The following SOX6 variants were observed in gnomAD, a reference collection of about 807,000 sequenced individuals.
The protein encoded by SOX6 is SRY-box transcription factor 6, also known as transcription factor SOX-6.
SOX6 carries 11 observed loss-of-function variants against 97.8 expected under a neutral mutation model. The observed-to-expected ratio is 0.11, with a 90% CI of 0.07 to 0.19. SOX6 has a LOEUF of 0.19. Among genes scored for constraint, SOX6 ranks in the 10% least tolerant of loss-of-function variants. SOX6 has a pLI of 1.00. For missense variants in SOX6, 810 were observed against 1,039.5 expected (o/e 0.78, Z 3.04); for synonymous variants, 360 against 371.4 (o/e 0.97, Z 0.35).
rs1848385397 is a variant in SOX6, at chr11:16,610,647, T to G, written n.609+1434A>C. Among the ~76,000 whole-genome samples, 1 of 152,156 alleles carries G rather than the reference T, an allele frequency of 6.6e-6. No homozygotes were observed. Among genetic ancestry groups the G allele is most frequent in the African/African-American group, 2.4e-5 (1 of 41,444 alleles). On this transcript the variant is annotated intron_variant and non_coding_transcript_variant, in intron 4 of 5. Coordinates refer to the SOX6 transcript ENST00000524520. This position sits in a 1 kb window ranked among gnomAD's most constrained non-coding sequence, Gnocchi z 4.4. ...CGGAACCCGGAGCAAGTAACAATATTCATCCCTAAAGGAAGGAAACTAAAA... is the reference window on the plus strand; with the variant it reads ...CGGAACCCGGAGCAAGTAACAATATGCATCCCTAAAGGAAGGAAACTAAAA...
At chr11:16,585,654 A>C in intron 4 of SOX6, among the ~76,000 whole-genome samples, 1 of 147,984 alleles carries the variant, frequency 6.8e-6, no homozygotes, top group African/African-American at 2.5e-5. Flanking sequence ...GTCAACAAAG[A>C]CTCAACGGAG....
intron 3 of SOX6, among the ~76,000 whole-genome samples, chr11:16,287,968 A>G (rs1284588478): frequency 1.3e-5 from 2 of 152,140 alleles, no homozygotes; most frequent in Non-Finnish European, 2.9e-5. Flanking sequence ...TGCCTTTGAA[A>G]AAAGAGAAGG....
At chr11:16,109,293 C>CG in intron 7 of SOX6, among the ~76,000 whole-genome samples, 1 of 152,218 alleles carries the variant, frequency 6.6e-6, no homozygotes, top group East Asian at 1.9e-4. Context: ...CTCAACCTAC[C>CG]GGGCTCAAGC....
chr11:16,537,084 C>T (rs971941957), intron 4 of SOX6, among the ~76,000 whole-genome samples: 4 of 152,288 alleles, frequency 2.6e-5, no homozygotes, highest in African/African-American at 9.6e-5. Flanking sequence ...GGCAAGTGCC[C>T]CTCTGGGACA....
intron 1 of SOX6, among the ~76,000 whole-genome samples, chr11:16,412,357 A>G (rs1565136734): frequency 6.6e-6 from 1 of 152,242 alleles, no homozygotes; most frequent in African/African-American, 2.4e-5. Context: ...TCCAAATCAG[A>G]TATATCCATA....
chr11:16,525,070 A>G (rs1371986200), intron 4 of SOX6, among the ~76,000 whole-genome samples: 2 of 152,226 alleles, frequency 1.3e-5, no homozygotes, highest in African/African-American at 2.4e-5. Flanking sequence ...GGTAATTTAT[A>G]GATTCAATGC....
chr11:15,991,549 T>C (rs940949029), intron 13 of SOX6, among the ~76,000 whole-genome samples: 3 of 152,214 alleles, frequency 2.0e-5, no homozygotes, highest in African/African-American at 7.2e-5. Flanking sequence ...AGGAGACAGG[T>C]TTGTGGAGAA....
chr11:16,076,315 G>C (rs945036823), intron 9 of SOX6, among the ~76,000 whole-genome samples: 1 of 149,892 alleles, frequency 6.7e-6, no homozygotes, highest in Non-Finnish European at 1.5e-5. Context: ...AGAATAAATA[G>C]ACAACCTATA....
intron 4 of SOX6, among the ~76,000 whole-genome samples, chr11:16,506,349 C>CAA (rs1311153846): frequency 2.0e-5 from 3 of 152,120 alleles, no homozygotes; most frequent in African/African-American, 7.2e-5. Context: ...GCATGGGGCC[C>CAA]TTTGTTTTTG....
At chr11:16,528,929 G>A (rs1168579329) in intron 4 of SOX6, among the ~76,000 whole-genome samples, 1 of 151,974 alleles carries the variant, frequency 6.6e-6, no homozygotes, top group Non-Finnish European at 1.5e-5. Flanking sequence ...TCACTCTAGT[G>A]ACTGTTTTGA....
chr11:15,994,919 T>G (rs1854177681), intron 13 of SOX6, among the ~76,000 whole-genome samples: 1 of 152,168 alleles, frequency 6.6e-6, no homozygotes, highest in East Asian at 1.9e-4. Flanking sequence ...CTGGAGTGGA[T>G]TCCATCCTAG....
intron 1 of SOX6, among the ~76,000 whole-genome samples, chr11:16,462,764 GA>G (rs577553748): frequency 1.9e-4 from 29 of 152,186 alleles, no homozygotes; most frequent in Admixed American, 1.7e-3. Context: ...TCTCCTCCAG[GA>G]AAAAAACTCA....
chr11:16,252,928 C>G (rs1853559617), intron 3 of SOX6, among the ~76,000 whole-genome samples: 1 of 152,160 alleles, frequency 6.6e-6, no homozygotes, highest in Admixed American at 6.5e-5. Context: ...GAATTCTTAC[C>G]CTTCCCTCAC....
In SOX6 at chr11:16,608,639, T is replaced by C. The variant is rs531380297; in HGVS notation, n.609+3442A>G. Among the ~76,000 whole-genome samples the C allele has an allele frequency of 2.0e-5, 3 of 151,874 alleles. No individual in the cohort carries two copies. In the East Asian group the frequency reaches 5.8e-4, roughly 29 times the overall value. Reference sequence around the variant, plus strand: ...AAAAGCAATTCACACAGGAGATTCCTAACATATGTAGGTGGCAGTGTTCTG... The same window carrying C: ...AAAAGCAATTCACACAGGAGATTCCCAACATATGTAGGTGGCAGTGTTCTG... On this transcript the variant is annotated intron_variant and non_coding_transcript_variant, in intron 4 of 5. Transcript: ENST00000524520.
Position 16,364,028 on chromosome 11 carries a change from G to A in SOX6, c.-4-22776C>T, listed in dbSNP as rs576788349. ...TAGGAACTACTTGTTCAATGTTTTG[G>A]GTATTTCCACGAACATGCAGAAAGT... On this transcript the variant is annotated intron_variant, in intron 1 of 15. Coordinates refer to the SOX6 transcript ENST00000396356. Among the ~76,000 whole-genome samples, 197 of 152,074 alleles carry A rather than the reference G, an allele frequency of 1.3e-3. 2 individuals carry two copies. The highest frequency in any genetic ancestry group is 4.1e-4 in the Non-Finnish European group (28 of 67,970).
intron 4 of SOX6, among the ~76,000 whole-genome samples, chr11:16,611,769 G>A (rs1848401156): frequency 6.6e-6 from 1 of 152,186 alleles, no homozygotes; most frequent in African/African-American, 2.4e-5. Flanking sequence ...ATTGTCCCTC[G>A]ACTTTAAGTG....
chr11:16,065,157 C>T (rs796529824), intron 9 of SOX6, among the ~76,000 whole-genome samples: 16 of 152,010 alleles, frequency 1.1e-4, no homozygotes, highest in African/African-American at 3.6e-4. Flanking sequence ...CTGATAAATA[C>T]GTTCAGCAAA....
intron 4 of SOX6, chr11:16,577,077 A>C (rs764653672): frequency 2.2e-4 from 33 of 152,190 alleles, no homozygotes; most frequent in Non-Finnish European, 5.9e-5. Flanking sequence ...TCCCGTGCTG[A>C]TCAAAATATA....
intron 4 of SOX6, among the ~76,000 whole-genome samples, chr11:16,538,473 C>T (rs562026987): frequency 6.6e-6 from 1 of 152,202 alleles, no homozygotes; most frequent in Admixed American, 6.5e-5. Flanking sequence ...TCACACATAA[C>T]AATATTAACC....
Sources: gnomAD v4.1 joint callset for allele counts (sites outside exome capture counted in the v4.1 genomes callset) on GRCh38, gnomAD v4.1.1 for gene constraint, Gnocchi (gnomAD v3.1) non-coding constraint, MANE v1.5 for transcripts, NCBI Gene and HGNC (gene_info 2026-07-23, HGNC 2026-07-21) for gene names.